The following MYO3B variants were observed in gnomAD, a reference collection of about 807,000 sequenced individuals.
The protein encoded by MYO3B is myosin IIIB, also known as myosin-IIIb.
MYO3B carries 156 observed loss-of-function variants against 174.6 expected under a neutral mutation model. The observed-to-expected ratio is 0.89, with a 90% CI of 0.78 to 1.02. The LOEUF (loss-of-function observed/expected upper bound fraction) is 1.02. Ranked by LOEUF, MYO3B falls within the 50% of genes least tolerant of loss-of-function variation. The pLI, the probability that MYO3B is intolerant of heterozygous loss-of-function variation, is 0.00. For synonymous variants in MYO3B, 563 were observed against 569.1 expected, an observed-to-expected ratio of 0.99 and a Z score of 0.15; for missense variants, 1,632 against 1,639.4, an observed-to-expected ratio of 1.00 and a Z score of 0.08.
rs114920103 is a variant in MYO3B, at chr2:170,504,029, C to T, written c.3370+2164C>T. Among the ~76,000 whole-genome samples the T allele has an allele frequency of 5.8e-3, 882 of 152,228 alleles. 11 individuals are homozygous for T. The highest frequency in any genetic ancestry group is 0.02 in the African/African-American group (831 of 41,524). ...ATCTAAGAAGCAAAGCAACTCATTC[C>T]GACGTTTCTGTTTGGGGTTGTGATC... On this transcript the variant is annotated intron_variant, in intron 28 of 34. Transcript: ENST00000408978.
At chr2:170,483,766 G>A (rs1685853605) in intron 25 of MYO3B, among the ~76,000 whole-genome samples, 1 of 152,188 alleles carries the variant, frequency 6.6e-6, no homozygotes. Flanking sequence ...AAGAGAATGT[G>A]AGGAAACCTC....
intron 21 of MYO3B, 76 bp downstream of exon 21, chr2:170,405,709 C>A: frequency 1.8e-6 from 2 of 1,119,590 alleles, no homozygotes; most frequent in South Asian, 1.5e-5. Flanking sequence ...CTGTGCTGCT[C>A]ATGAAATTGC....
intron 23 of MYO3B, among the ~76,000 whole-genome samples, chr2:170,454,393 A>G (rs1158219635): frequency 2.0e-5 from 3 of 152,136 alleles, no homozygotes; most frequent in Non-Finnish European, 2.9e-5. Flanking sequence ...ACAGAGACAC[A>G]CCCTGCAATA....
intron 6 of MYO3B, among the ~76,000 whole-genome samples, chr2:170,218,815 T>A (rs931776393): frequency 2.6e-5 from 4 of 152,220 alleles, no homozygotes; most frequent in Admixed American, 2.6e-4. Flanking sequence ...AATACAATTA[T>A]CACTGAAACA....
At chr2:170,279,281 C>T (rs541935375) in intron 7 of MYO3B, among the ~76,000 whole-genome samples, 2 of 152,162 alleles carry the variant, frequency 1.3e-5, no homozygotes, top group South Asian at 2.1e-4. Context: ...TATCTGCGTC[C>T]TTGCCAGCAC....
chr2:170,542,275 T>C (rs1227659629), intron 30 of MYO3B, among the ~76,000 whole-genome samples: 1 of 152,174 alleles, frequency 6.6e-6, no homozygotes. Context: ...GTTCTGATTA[T>C]CAAAAATTGG....
At chr2:170,250,989 T>C (rs2093246623) in intron 7 of MYO3B, among the ~76,000 whole-genome samples, 1 of 151,796 alleles carries the variant, frequency 6.6e-6, no homozygotes, top group Non-Finnish European at 1.5e-5. Flanking sequence ...GGGGGTGTGA[T>C]GGGCCAAAAA....
At chr2:170,305,513 C>A (rs1452035311) in intron 7 of MYO3B, among the ~76,000 whole-genome samples, 1 of 152,086 alleles carries the variant, frequency 6.6e-6, no homozygotes, top group South Asian at 2.1e-4. Flanking sequence ...AGTTTTCTAG[C>A]CTTTCTTTCA....
At chr2:170,389,027 G>C (rs1284933948) in intron 14 of MYO3B, among the ~76,000 whole-genome samples, 2 of 152,186 alleles carry the variant, frequency 1.3e-5, no homozygotes, top group Non-Finnish European at 2.9e-5. Context: ...ATAGTGTTCT[G>C]TGTTCAAATG....
At chr2:170,432,276 G>C (rs1174791602) in intron 22 of MYO3B, among the ~76,000 whole-genome samples, 3 of 152,018 alleles carry the variant, frequency 2.0e-5, no homozygotes, top group Admixed American at 2.0e-4. Flanking sequence ...CCTTACAGTG[G>C]GATAAGATGT....
At chr2:170,319,986 A>T (rs1378483153) in intron 7 of MYO3B, among the ~76,000 whole-genome samples, 1 of 152,196 alleles carries the variant, frequency 6.6e-6, no homozygotes, top group East Asian at 1.9e-4. Context: ...GGTTGAGAGA[A>T]CTTGTTGCTA....
At chr2:170,374,957 T>A (rs1280619322) in intron 9 of MYO3B, among the ~76,000 whole-genome samples, 1 of 152,220 alleles carries the variant, frequency 6.6e-6, no homozygotes, top group Non-Finnish European at 1.5e-5. Flanking sequence ...TGCCAATGCA[T>A]GTATTTGATT....
chr2:170,254,657 G>A (rs555911296), intron 7 of MYO3B, among the ~76,000 whole-genome samples: 1 of 152,306 alleles, frequency 6.6e-6, no homozygotes, highest in South Asian at 2.1e-4. Flanking sequence ...ACTTCCCAGG[G>A]TGTGAGCACA....
intron 7 of MYO3B, among the ~76,000 whole-genome samples, chr2:170,263,650 G>A (rs1186024812): frequency 6.6e-6 from 1 of 152,112 alleles, no homozygotes; most frequent in Non-Finnish European, 1.5e-5. Flanking sequence ...ATTTCTGCCA[G>A]CATGTCTCAC....
intron 32 of MYO3B, among the ~76,000 whole-genome samples, chr2:170,556,990 A>G (rs1346959993): frequency 6.6e-6 from 1 of 152,096 alleles, no homozygotes; most frequent in Non-Finnish European, 1.5e-5. Context: ...TGACCATTTT[A>G]AAATTGCATT....
At chr2:170,234,868 A>C (rs1339638548) in intron 6 of MYO3B, among the ~76,000 whole-genome samples, 1 of 152,034 alleles carries the variant, frequency 6.6e-6, no homozygotes, top group African/African-American at 2.4e-5. Flanking sequence ...GCCATCTCAC[A>C]ATCTCTCATC....
intron 32 of MYO3B, among the ~76,000 whole-genome samples, chr2:170,630,421 C>A (rs1016891304): frequency 6.6e-6 from 1 of 152,134 alleles, no homozygotes; most frequent in Non-Finnish European, 1.5e-5. Flanking sequence ...TGGGGCCCAC[C>A]GCAGCTCAAC....
chr2:170,525,770 G>A (rs1553516475), intron 30 of MYO3B, among the ~76,000 whole-genome samples: 1 of 152,220 alleles, frequency 6.6e-6, no homozygotes, highest in Non-Finnish European at 1.5e-5. Flanking sequence ...ATGAGCCAGA[G>A]AAACAGCCTC....
intron 32 of MYO3B, among the ~76,000 whole-genome samples, chr2:170,606,977 G>A (rs1266146126): frequency 9.9e-5 from 15 of 152,168 alleles, no homozygotes; most frequent in South Asian, 2.1e-4. Flanking sequence ...CCCAGATAGC[G>A]CCATTGCACT....
Sources: gnomAD v4.1 joint callset for allele counts (sites outside exome capture counted in the v4.1 genomes callset) on GRCh38, gnomAD v4.1.1 for gene constraint, MANE v1.5 for transcripts, NCBI Gene and HGNC (gene_info 2026-07-23, HGNC 2026-07-21) for gene names.